The following COL11A2 variants were observed in gnomAD, a reference collection of about 807,000 sequenced individuals.
The protein encoded by COL11A2 is collagen alpha-2(XI) chain.
A neutral mutation model predicts 273.4 loss-of-function variants in COL11A2; 116 were observed. The ratio of observed to expected loss-of-function variants is 0.42; its 90% CI spans 0.36 to 0.49. COL11A2 has a LOEUF of 0.49. COL11A2 is among the 20% of genes least tolerant of loss of function. COL11A2 has a pLI of 0.00. For missense variants in COL11A2, 1,866 were observed against 2,309.0 expected (o/e 0.81, Z 3.93); for synonymous variants, 782 against 864.2 (o/e 0.90, Z 1.67).
At position 33,172,532 on chromosome 6, in the gene COL11A2, T is replaced by C. The variant is rs1174626573; in HGVS notation, c.2896A>G (p.Lys966Glu). The change falls in exon 39 of 66, where the codon AAG (lysine) becomes GAG (glutamate). Residue 966 changes from lysine to glutamate, a missense_variant and splice_region_variant. Physicochemically the swap from Lys to Glu is moderately conservative, Grantham distance 56 (BLOSUM62 1). Transcript: ENST00000341947. Reference protein sequence around the residue: ...LPGTAGKEGTKGDPGPPGAPG... With the variant: ...LPGTAGKEGTEGDPGPPGAPG... ...CCTCTGCCTGGCCCCTCACTGACCT[T>C]TGTTCCTTCTTTTCCAGCTGTCCCA... 3 of 1,612,108 alleles carry C rather than the reference T, an allele frequency of 1.9e-6. No individual in the cohort carries two copies. Among genetic ancestry groups the C allele is most frequent in the Admixed American group, 3.3e-5 (2 of 59,994 alleles).
rs1321625199 is a variant in COL11A2, at chr6:33,179,106, G to T, written c.1578C>A (p.Gly526=). The T allele has an allele frequency of 6.2e-7, 1 of 1,613,936 alleles. No individual in the cohort carries two copies. Among genetic ancestry groups the T allele is most frequent in the Non-Finnish European group, 8.5e-7 (1 of 1,179,856 alleles). The part of the protein sequence containing the change: ...LGPQGPRGPQ[G]LTGPPGKAGR... ...CAGCCTTGCCAGGAGGGCCTGTGAG[G>T]CCCTGAGGTCCTCTGGGGCCCTGGT... The change falls in exon 16 of 66, where the codon GGC becomes GGA. Residue 526 remains glycine, a synonymous_variant. Transcript: ENST00000341947. This position sits in a 1 kb window ranked among gnomAD's most constrained non-coding sequence, Gnocchi z 6.4.
In COL11A2 at chr6:33,167,092, T is replaced by A. The variant is rs1353761128; in HGVS notation, c.4208A>T (p.Asp1403Val). The stretch of plus-strand genomic sequence containing the variant: ...CACCTTCTCTCCCTTGGCTCCAGCA[T>A]CGCCCCGGAGACCAGGCAGCCCTGG... ...GPPGLPGLRG[D>V]AGAKGEKGHP... The change falls in exon 58 of 66, where the codon GAT (aspartate) becomes GTT (valine). Residue 1403 changes from aspartate to valine, a missense_variant. Transcript: ENST00000341947. The surrounding 1 kb of genome is among the most constrained non-coding windows in gnomAD (Gnocchi z 6.1). 3 of 1,613,890 alleles carry A rather than the reference T, an allele frequency of 1.9e-6. No individual in the cohort carries two copies. Among genetic ancestry groups the A allele is most frequent in the African/African-American group, 2.7e-5 (2 of 74,900 alleles).
Position 33,178,286 on chromosome 6 carries a change from G to A in COL11A2, c.1818+22C>T. 6.2e-7 allele frequency: 1 copy of A among 1,612,708 alleles called. No individual in the cohort carries two copies. Among genetic ancestry groups the A allele is most frequent in the Non-Finnish European group, 8.5e-7 (1 of 1,179,934 alleles). On this transcript the variant is annotated intron_variant, in intron 20 of 65. Coordinates refer to ENST00000341947, the MANE Select transcript of COL11A2 (RefSeq NM_080680.3). The surrounding 1 kb of genome is among the most constrained non-coding windows in gnomAD (Gnocchi z 4.6). ...GGCTTCCCCAGAGCCCCCTCCCCCA[G>A]CACCAGCCCTTGGACACTCACCGAC...
chr6:33,174,454 C>A, intron 31 of COL11A2, 73 bp downstream of exon 31: 1 of 1,576,648 alleles, frequency 6.3e-7, no homozygotes, highest in Admixed American at 1.8e-5. Flanking sequence ...TCTGTGCTTT[C>A]TGGAATCAGG....
At chr6:33,188,795 G>T (rs768889533) in intron 3 of COL11A2, among the ~76,000 whole-genome samples, 183 bp downstream of exon 3, 3 of 152,214 alleles carry the variant, frequency 2.0e-5, no homozygotes, top group Admixed American at 6.5e-5. Flanking sequence ...AGTTCAACAT[G>T]CAGAGAAGGC....
At chr6:33,171,092 T>G (rs1562328050) in intron 45 of COL11A2, 22 bp downstream of exon 45, 1 of 1,573,378 alleles carries the variant, frequency 6.4e-7, no homozygotes, top group Non-Finnish European at 8.6e-7. Context: ...GGGCCTTCGG[T>G]GGGGGTGGAG....
Position 33,166,682 on chromosome 6 carries a change from C to T in COL11A2, c.4338+38G>A. ...ACTCCACCCCTCTCCACCCCACTCT[C>T]AACCCCCACAACTTCCGGGACCATG... On this transcript the variant is annotated intron_variant, in intron 59 of 65. Transcript: ENST00000341947. The surrounding 1 kb of genome is among the most constrained non-coding windows in gnomAD (Gnocchi z 4.8). 1 of 1,613,196 alleles carries T rather than the reference C, an allele frequency of 6.2e-7. No individual in the cohort carries two copies. Among genetic ancestry groups the T allele is most frequent in the Non-Finnish European group, 8.5e-7 (1 of 1,179,284 alleles).
chr6:33,166,144 A>C lies in COL11A2; in HGVS notation c.4428+27T>G. 1 of 1,608,306 alleles carries C rather than the reference A, an allele frequency of 6.2e-7. No individual in the cohort carries two copies. Among genetic ancestry groups the C allele is most frequent in the Non-Finnish European group, 8.5e-7 (1 of 1,177,666 alleles). ...ATCAAGTCCAGAGGGGGTGGAGCAA[A>C]GGTCAGAGCTGAAGGGGGTCACTCA... is the stretch of plus-strand genomic sequence containing the variant. On this transcript the variant is annotated intron_variant, in intron 61 of 65. Coordinates refer to ENST00000341947, the MANE Select transcript of COL11A2 (RefSeq NM_080680.3). This position sits in a 1 kb window ranked among gnomAD's most constrained non-coding sequence, Gnocchi z 4.8.
Position 33,177,622 on chromosome 6 carries a change from G to A in COL11A2, c.1917+40C>T, listed in dbSNP as rs1289412980. On this transcript the variant is annotated intron_variant, in intron 22 of 65. Coordinates refer to ENST00000341947, the MANE Select transcript of COL11A2 (RefSeq NM_080680.3). The surrounding 1 kb of genome is among the most constrained non-coding windows in gnomAD (Gnocchi z 5.9). ...AACAGGATGCTGGCAGGGACCTCGG[G>A]GGATAAGAATGGGGGTGGGATCTCC... The A allele has an allele frequency of 1.2e-6, 2 of 1,611,038 alleles. No homozygotes were observed. Among genetic ancestry groups the A allele is most frequent in the African/African-American group, 1.3e-5 (1 of 74,878 alleles).
intron 38 of COL11A2, 120 bp downstream of exon 38, chr6:33,172,940 G>T: frequency 9.0e-7 from 1 of 1,105,802 alleles, no homozygotes; most frequent in Non-Finnish European, 1.4e-6. Context: ...CCCCACCATT[G>T]ACCCCAGCCC....
In COL11A2 at chr6:33,170,290, CA is replaced by C. The variant is rs1769841726; in HGVS notation, c.3582+35del. 1 of 1,607,896 alleles carries C rather than the reference CA, an allele frequency of 6.2e-7. No homozygotes were observed. Among genetic ancestry groups the C allele is most frequent in the African/African-American group, 1.3e-5 (1 of 74,872 alleles). ...GGAAAGGGAGGCAGAAGACCAGACA[CA>C]TTGGTCTCAAGGGACAGGGGCTGAG... On this transcript the variant is annotated intron_variant, in intron 48 of 65. Transcript: ENST00000341947. This position sits in a 1 kb window ranked among gnomAD's most constrained non-coding sequence, Gnocchi z 4.3.
chr6:33,172,529 C>T lies in COL11A2; in HGVS notation c.2898+1G>A. On this transcript the variant is annotated splice_donor_variant, in intron 39 of 65. Coordinates refer to ENST00000341947, the MANE Select transcript of COL11A2 (RefSeq NM_080680.3). LOFTEE classifies it high-confidence loss of function. ...TCCCCTCTGCCTGGCCCCTCACTGA[C>T]CTTTGTTCCTTCTTTTCCAGCTGTC... 1 of 1,612,584 alleles carries T rather than the reference C, an allele frequency of 6.2e-7. No individual in the cohort carries two copies. Among genetic ancestry groups the T allele is most frequent in the Non-Finnish European group, 8.5e-7 (1 of 1,179,804 alleles).
chr6:33,188,586 G>T, intron 3 of COL11A2, 62 bp from the exon 4 acceptor site: 1 of 1,594,950 alleles, frequency 6.3e-7, no homozygotes, highest in South Asian at 1.1e-5. Context: ...GAGTCAACAT[G>T]GTTGGAGAGC....
Position 33,176,287 on chromosome 6 carries a change from C to G in COL11A2, c.2186G>C (p.Arg729Pro). Residue 729 changes from arginine (R) to proline (P), a missense_variant, in exon 28 of 66, where the codon CGG becomes CCG. Physicochemically the swap from Arg to Pro is moderately radical, Grantham distance 103. Transcript: ENST00000341947. The surrounding 1 kb of genome is among the most constrained non-coding windows in gnomAD (Gnocchi z 4.9). ...PRGVKGVDGI[R>P]GLKGHKGEKG... ...CTCACCCTTATGACCCTTCAGACCCCGAATTCCGTCCACACCCTAGAATTA... is the reference window on the plus strand; with the variant it reads ...CTCACCCTTATGACCCTTCAGACCCGGAATTCCGTCCACACCCTAGAATTA... The G allele has an allele frequency of 6.2e-7, 1 of 1,606,964 alleles. No individual in the cohort carries two copies. The highest frequency in any genetic ancestry group is 8.5e-7 in the Non-Finnish European group (1 of 1,176,972).
Position 33,179,785 on chromosome 6 carries a change from C to T in COL11A2, c.1380G>A (p.Gly460=), listed in dbSNP as rs373168555. 10 of 1,611,688 alleles carry T rather than the reference C, an allele frequency of 6.2e-6. No individual in the cohort carries two copies. Among genetic ancestry groups the T allele is most frequent in the East Asian group, 4.5e-5 (2 of 44,868 alleles). Residue 460 remains glycine, a synonymous_variant, in exon 13 of 66, where the codon GGG becomes GGA. Transcript: ENST00000341947. The surrounding 1 kb of genome is among the most constrained non-coding windows in gnomAD (Gnocchi z 6.4). ...LMLPFRFGSG[G]GDKGPVVAAQ... ...CCGCCACCACAGGGCCCTTGTCACCCCCACCACTGCCAAACCGGAACTGAG... is the reference window on the plus strand; with the variant it reads ...CCGCCACCACAGGGCCCTTGTCACCTCCACCACTGCCAAACCGGAACTGAG...
chr6:33,169,951 A>G lies in COL11A2; in HGVS notation c.3637-67T>C. 14 of 1,612,324 alleles carry G rather than the reference A, an allele frequency of 8.7e-6. 1 individual carries two copies. The highest frequency in any genetic ancestry group is 4.4e-5 in the South Asian group (4 of 91,042). On this transcript the variant is annotated intron_variant, in intron 49 of 65. Coordinates refer to ENST00000341947, the MANE Select transcript of COL11A2 (RefSeq NM_080680.3). This position sits in a 1 kb window ranked among gnomAD's most constrained non-coding sequence, Gnocchi z 5.5. ...GCCAAAAAATTCTGATATTCCCCAC[A>G]TCTCATTCTCTTTTGTCTCCCCACC...
In COL11A2 at chr6:33,176,112, G is replaced by A; in HGVS notation, c.2215-43C>T. ...GAGAGGGCACCACAGATGACAGAGGGCTGGGGTTCTAATGGGAATTCTGAG... is the reference window on the plus strand; with the variant it reads ...GAGAGGGCACCACAGATGACAGAGGACTGGGGTTCTAATGGGAATTCTGAG... On this transcript the variant is annotated intron_variant, in intron 28 of 65. Coordinates refer to ENST00000341947, the MANE Select transcript of COL11A2 (RefSeq NM_080680.3). The surrounding 1 kb of genome is among the most constrained non-coding windows in gnomAD (Gnocchi z 4.9). 2 of 1,611,212 alleles carry A rather than the reference G, an allele frequency of 1.2e-6. No individual in the cohort carries two copies. The highest frequency in any genetic ancestry group is 1.7e-6 in the Non-Finnish European group (2 of 1,178,350).
chr6:33,192,094 C>T, intron 1 of COL11A2, 65 bp downstream of exon 1: 1 of 1,466,060 alleles, frequency 6.8e-7, no homozygotes, highest in Non-Finnish European at 9.3e-7. Flanking sequence ...TCAGCTGGCC[C>T]CTTCCCAGAG....
At position 33,185,657 on chromosome 6, in the gene COL11A2, G is replaced by T. The variant is rs184037184; in HGVS notation, c.876+44C>A. On this transcript the variant is annotated intron_variant, in intron 6 of 65. Transcript: ENST00000341947. ...GTGTCCTAGGAGATGATTGCTGGGG[G>T]TGCTGGGAGAAAGGGAAGAAATGAA... 194 of 944,812 alleles carry T rather than the reference G, an allele frequency of 2.1e-4. No individual in the cohort carries two copies. In the East Asian group the frequency reaches 9.2e-3, roughly 45 times the overall value. The allele number at this position is 944,812 out of a possible 1,614,324, so 58.5% of individuals were successfully genotyped here.
Sources: allele counts gnomAD v4.1 joint callset (sites outside exome capture counted in the v4.1 genomes callset), GRCh38; gene constraint gnomAD v4.1.1; non-coding constraint Gnocchi (gnomAD v3.1); transcripts MANE v1.5; gene names NCBI Gene and HGNC (gene_info 2026-07-23, HGNC 2026-07-21).